The following PLA2G6 variants were observed in gnomAD, a reference collection of about 807,000 sequenced individuals.
PLA2G6 encodes the protein 85/88 kDa calcium-independent phospholipase A2.
In PLA2G6, 62 loss-of-function variants were observed where a neutral mutation model predicts 83.8. The observed-to-expected ratio is 0.74, with a 90% CI of 0.60 to 0.91. PLA2G6 has a LOEUF of 0.91. Among genes scored for constraint, PLA2G6 ranks in the 40% least tolerant of loss-of-function variants. The pLI, the probability that PLA2G6 is intolerant of heterozygous loss-of-function variation, is 0.00. For missense variants in PLA2G6, 944 were observed against 1,102.0 expected, an observed-to-expected ratio of 0.86 and a Z score of 2.03; for synonymous variants, 417 against 449.8, an observed-to-expected ratio of 0.93 and a Z score of 0.92.
chr22:38,147,646 T>C (rs1056437351), intron 2 of PLA2G6: 1 of 154,768 alleles, frequency 6.5e-6, no homozygotes, highest in African/African-American at 2.4e-5. Context: ...GTTCAAGTGA[T>C]TCTCCTGCAA....
At chr22:38,121,018 T>C in intron 11 of PLA2G6, 109 bp from the exon 12 acceptor site, 1 of 1,365,004 alleles carries the variant, frequency 7.3e-7, no homozygotes, top group Non-Finnish European at 1.0e-6. Context: ...GGAAGCGGGT[T>C]TACCGAGGCC....
intron 2 of PLA2G6, among the ~76,000 whole-genome samples, chr22:38,157,404 C>T (rs5995541): frequency 0.28 from 43,279 of 151,934 alleles, 6,985 homozygotes; most frequent in South Asian, 0.42. Flanking sequence ...AAGATGGAAC[C>T]GTGAAGAAAT....
chr22:38,129,484 G>T lies in PLA2G6; in HGVS notation c.1156C>A (p.Pro386Thr). The T allele has an allele frequency of 6.2e-7, 1 of 1,613,520 alleles. No individual in the cohort carries two copies. The highest frequency in any genetic ancestry group is 1.1e-5 in the South Asian group (1 of 91,066). ...VDTPNDFGET[P>T]TFLASKIGRL... ...CCGATTTTGGAGGCTAGGAATGTAG[G>T]AGTCTCCCCAAAGTCATTCGGGGTG... Residue 386 changes from proline (P) to threonine (T), a missense_variant, in exon 8 of 17, where the codon CCT (proline) becomes ACT (threonine). By Grantham distance (38) the Pro-to-Thr change is conservative. Coordinates refer to ENST00000332509, the MANE Select transcript of PLA2G6 (RefSeq NM_003560.4).
intron 2 of PLA2G6, among the ~76,000 whole-genome samples, chr22:38,168,665 T>TAG: frequency 6.6e-6 from 1 of 151,984 alleles, no homozygotes; most frequent in Admixed American, 6.5e-5. Context: ...GCCTGGCCAA[T>TAG]ATGATGAAAC....
At chr22:38,148,188 C>A (rs933810355) in intron 2 of PLA2G6, 21 of 328,964 alleles carry the variant, frequency 6.4e-5, no homozygotes, top group South Asian at 2.5e-4. Context: ...GGAACCAAGG[C>A]CTGATTAAAG....
intron 2 of PLA2G6, among the ~76,000 whole-genome samples, chr22:38,167,275 C>A (rs1425413728): frequency 1.3e-5 from 2 of 151,278 alleles, no homozygotes; most frequent in African/African-American, 4.9e-5. Flanking sequence ...CTATAAAGTA[C>A]CACAGAATAG....
At chr22:38,131,806 C>A (rs992392493) in intron 7 of PLA2G6, 3 of 266,858 alleles carry the variant, frequency 1.1e-5, no homozygotes, top group Middle Eastern at 1.4e-3. Context: ...AACGTGCACA[C>A]GGTGGGGCGC....
intron 1 of PLA2G6, among the ~76,000 whole-genome samples, chr22:38,178,640 G>A (rs1299861145): frequency 1.3e-5 from 2 of 152,114 alleles, no homozygotes; most frequent in African/African-American, 4.8e-5. Context: ...CGAGGCGGGT[G>A]GATCACTTGA....
chr22:38,153,962 C>T (rs132955), intron 2 of PLA2G6, among the ~76,000 whole-genome samples: 27,846 of 152,096 alleles, frequency 0.18, 2,841 homozygotes, highest in East Asian at 0.44. Context: ...CCTGGCAGCA[C>T]TGCCACAGGG....
chr22:38,168,996 G>A (rs2090330758), intron 2 of PLA2G6, among the ~76,000 whole-genome samples: 2 of 152,108 alleles, frequency 1.3e-5, no homozygotes, highest in Non-Finnish European at 2.9e-5. Flanking sequence ...AACAACCCAG[G>A]CTTCCATCCT....
intron 16 of PLA2G6, 75 bp from the exon 17 acceptor site, chr22:38,112,380 G>GGGCTTGGGGAACAGAGCAGA (rs1444118852): frequency 6.4e-7 from 1 of 1,563,136 alleles, no homozygotes; most frequent in East Asian, 2.3e-5. Flanking sequence ...GGACCAGGGT[G>GGGCTTGGGGAACAGAGCAGA]GGCTTGGGGA....
intron 5 of PLA2G6, chr22:38,136,381 G>A (rs1228907836): frequency 6.6e-6 from 1 of 152,162 alleles, no homozygotes; most frequent in African/African-American, 2.4e-5. Flanking sequence ...CTGAGGTCGG[G>A]AGTTCGAGAC....
chr22:38,120,727 T>G, intron 12 of PLA2G6, 32 bp downstream of exon 12: 1 of 1,612,120 alleles, frequency 6.2e-7, no homozygotes, highest in Non-Finnish European at 8.5e-7. Context: ...TGGGCACAGC[T>G]GCGGCCACGG....
chr22:38,131,971 T>C, intron 7 of PLA2G6: 1 of 339,480 alleles, frequency 2.9e-6, no homozygotes, highest in Non-Finnish European at 5.8e-6. Context: ...AAAAATTAGC[T>C]GGGCATGGTG....
intron 14 of PLA2G6, 79 bp downstream of exon 14, chr22:38,115,448 C>G (rs545551151): frequency 2.8e-4 from 382 of 1,345,300 alleles, no homozygotes; most frequent in Admixed American, 1.5e-3. Flanking sequence ...TCCTGGGGGT[C>G]GGTCCCTAGC....
At chr22:38,114,926 C>T (rs917686779) in intron 14 of PLA2G6, among the ~76,000 whole-genome samples, 5 of 152,198 alleles carry the variant, frequency 3.3e-5, no homozygotes, top group African/African-American at 9.6e-5. Flanking sequence ...GCTCAGCCAC[C>T]GCGCTCGCCC....
intron 15 of PLA2G6, 47 bp from the exon 16 acceptor site, chr22:38,112,624 G>C: frequency 6.7e-7 from 1 of 1,483,772 alleles, no homozygotes; most frequent in Non-Finnish European, 9.2e-7. Flanking sequence ...ACCCCGCCCG[G>C]CCCGCACCCC....
At chr22:38,122,705 T>C (rs897345890) in intron 11 of PLA2G6, among the ~76,000 whole-genome samples, 1 of 152,206 alleles carries the variant, frequency 6.6e-6, no homozygotes, top group Non-Finnish European at 1.5e-5. Flanking sequence ...TGGCTCCTCA[T>C]TCCTGAGACT....
intron 3 of PLA2G6, 60 bp from the exon 4 acceptor site, chr22:38,143,348 A>T (rs1448792580): frequency 1.3e-6 from 2 of 1,515,346 alleles, no homozygotes; most frequent in African/African-American, 2.7e-5. Flanking sequence ...TGGCAGGGGG[A>T]CCTAAGTGCA....
Sources: gnomAD v4.1 joint callset for allele counts (sites outside exome capture counted in the v4.1 genomes callset) on GRCh38, gnomAD v4.1.1 for gene constraint, MANE v1.5 for transcripts, NCBI Gene and HGNC (gene_info 2026-07-23, HGNC 2026-07-21) for gene names.